TLK1: variants seen among roughly 807,000 people sequenced by gnomAD.
The protein encoded by TLK1 is tousled like kinase 1.
TLK1 carries 24 observed loss-of-function variants against 105.3 expected under a neutral mutation model. The observed-to-expected ratio is 0.23, with a 90% CI of 0.17 to 0.32. TLK1 has a LOEUF of 0.32. Among genes scored for constraint, TLK1 ranks in the 10% least tolerant of loss-of-function variants. The pLI, the probability that TLK1 is intolerant of heterozygous loss-of-function variation, is 1.00. For missense variants in TLK1, 558 were observed against 910.5 expected (o/e 0.61, Z 4.98); for synonymous variants, 321 against 310.4 (o/e 1.03, Z -0.36).
At chr2:171,104,141 TG>T (rs1325391846) in intron 2 of TLK1, among the ~76,000 whole-genome samples, 1 of 151,502 alleles carries the variant, frequency 6.6e-6, no homozygotes, top group African/African-American at 2.4e-5. Flanking sequence ...TTGGGCATGG[TG>T]GTGGGCGCCT....
chr2:171,120,290 G>A (rs1690602986), intron 1 of TLK1, among the ~76,000 whole-genome samples: 1 of 147,174 alleles, frequency 6.8e-6, no homozygotes, highest in Admixed American at 6.8e-5. Flanking sequence ...AGGAAAATAG[G>A]TAAGTTGGAC....
chr2:171,132,735 T>C (rs1691153162), intron 1 of TLK1, among the ~76,000 whole-genome samples: 1 of 152,046 alleles, frequency 6.6e-6, no homozygotes, highest in South Asian at 2.1e-4. Context: ...AAAAATTAGC[T>C]GGGTGGGGTG....
At position 171,011,469 on chromosome 2, in the gene TLK1, C is replaced by CA. The variant is rs1371898504; in HGVS notation, c.1335-16dup. ...GATCTTTGAACCTTAGAGGTGGGGG[C>CA]AAAAAACAGACATATTAAAACACAC... On this transcript the variant is annotated splice_polypyrimidine_tract_variant and intron_variant, in intron 13 of 20. Coordinates refer to ENST00000431350, the MANE Select transcript of TLK1 (RefSeq NM_012290.5). 2 of 1,598,102 alleles carry CA rather than the reference C, an allele frequency of 1.3e-6. No homozygotes were observed. Among genetic ancestry groups the CA allele is most frequent in the Non-Finnish European group, 1.7e-6 (2 of 1,172,854 alleles).
At chr2:171,148,735 T>C (rs1010253515) in intron 1 of TLK1, among the ~76,000 whole-genome samples, 2 of 151,614 alleles carry the variant, frequency 1.3e-5, no homozygotes, top group Non-Finnish European at 2.9e-5. Flanking sequence ...ATACAAAAAT[T>C]AGCTGGGCGT....
intron 8 of TLK1, among the ~76,000 whole-genome samples, chr2:171,052,216 C>G (rs900564410): frequency 6.6e-6 from 1 of 152,138 alleles, no homozygotes; most frequent in Non-Finnish European, 1.5e-5. Context: ...GCTATGATCC[C>G]CCACTGTGCT....
intron 3 of TLK1, among the ~76,000 whole-genome samples, chr2:171,067,175 T>TC (rs397873311): frequency 4.6e-5 from 7 of 151,694 alleles, no homozygotes; most frequent in East Asian, 1.9e-4. Context: ...TTTTTTTTTT[T>TC]CTGAGACAGA....
At chr2:171,032,481 T>A (rs1686092399) in intron 11 of TLK1, among the ~76,000 whole-genome samples, 1 of 152,150 alleles carries the variant, frequency 6.6e-6, no homozygotes, top group Non-Finnish European at 1.5e-5. Context: ...TTAAGGAAGC[T>A]ATTACATTTA....
chr2:171,037,435 C>T (rs1184081945), intron 11 of TLK1, among the ~76,000 whole-genome samples: 3 of 119,160 alleles, frequency 2.5e-5, no homozygotes, highest in Non-Finnish European at 5.9e-5. Flanking sequence ...GAGTGAAACT[C>T]CGTCTCAAAA....
At chr2:171,177,759 C>T (rs1692856607) in intron 1 of TLK1, among the ~76,000 whole-genome samples, 1 of 152,082 alleles carries the variant, frequency 6.6e-6, no homozygotes, top group Non-Finnish European at 1.5e-5. Context: ...GAACAAAAAG[C>T]TTTTATATTA....
At chr2:171,184,450 C>G (rs57851561) in intron 1 of TLK1, among the ~76,000 whole-genome samples, 6,817 of 152,040 alleles carry the variant, frequency 0.045, 442 homozygotes, top group East Asian at 0.29. Context: ...TGAGACCAGC[C>G]TGACCAACAT....
At position 171,155,173 on chromosome 2, in the gene TLK1, T is replaced by C. The variant is rs183710313; in HGVS notation, c.139+5117A>G. Among the ~76,000 whole-genome samples, 459 of 152,282 alleles carry C rather than the reference T, an allele frequency of 3.0e-3. 1 individual carries two copies. The highest frequency in any genetic ancestry group is 0.01 in the African/African-American group (424 of 41,562). On this transcript the variant is annotated intron_variant, in intron 1 of 20. Transcript: ENST00000431350. Reference sequence around the variant, plus strand: ...TAAAAACATTAGAATAACTTAAGCATATTACTTCTGAAATCACGTAAACAA... The same window carrying C: ...TAAAAACATTAGAATAACTTAAGCACATTACTTCTGAAATCACGTAAACAA...
intron 11 of TLK1, among the ~76,000 whole-genome samples, chr2:171,032,911 G>A (rs1238452641): frequency 1.3e-5 from 2 of 152,018 alleles, no homozygotes; most frequent in Admixed American, 1.3e-4. Flanking sequence ...AAAACTATTA[G>A]AAGACAATAC....
chr2:171,197,905 T>C (rs1182492096), intron 1 of TLK1, among the ~76,000 whole-genome samples: 2 of 152,188 alleles, frequency 1.3e-5, no homozygotes, highest in Non-Finnish European at 2.9e-5. Context: ...TTCCAGAATC[T>C]GCATTTTTGG....
rs1692748765 is a variant in TLK1 at position 171,172,508 on chromosome 2, C to G, written c.-5-54651G>C. 2.0e-5 allele frequency among the ~76,000 whole-genome samples: 3 copies of G among 152,240 alleles called. No individual in the cohort carries two copies. The South Asian group carries it at 6.2e-4, about 32-fold the overall frequency. On this transcript the variant is annotated intron_variant, in intron 1 of 20. Coordinates refer to the TLK1 transcript ENST00000521943. ...TAGTTGATATGGTTTGAATCTGTGT[C>G]CCCACCCAAATCTCATGTAGGATTG...
intron 11 of TLK1, among the ~76,000 whole-genome samples, chr2:171,037,497 A>C (rs1325355996): frequency 2.0e-5 from 3 of 151,592 alleles, no homozygotes; most frequent in African/African-American, 7.3e-5. Flanking sequence ...GGAGATACTC[A>C]AGCAAAAGTA....
chr2:171,075,908 G>A (rs185623469), intron 3 of TLK1, among the ~76,000 whole-genome samples: 12 of 152,206 alleles, frequency 7.9e-5, no homozygotes, highest in South Asian at 4.1e-4. Flanking sequence ...CTTACTCCCC[G>A]TAGTAAGAAT....
At chr2:171,112,612 T>C (rs181615501) in intron 2 of TLK1, among the ~76,000 whole-genome samples, 13 of 152,278 alleles carry the variant, frequency 8.5e-5, no homozygotes, top group African/African-American at 3.1e-4. Flanking sequence ...GGAAAAAATA[T>C]GTATTTAAGG....
intron 3 of TLK1, among the ~76,000 whole-genome samples, chr2:171,079,810 G>C (rs1688669646): frequency 6.6e-6 from 1 of 152,128 alleles, no homozygotes; most frequent in Non-Finnish European, 1.5e-5. Context: ...GAAAACAAGA[G>C]GATTCTGGAT....
intron 1 of TLK1, among the ~76,000 whole-genome samples, chr2:171,145,675 G>A (rs1177294931): frequency 6.6e-6 from 1 of 151,818 alleles, no homozygotes; most frequent in Non-Finnish European, 1.5e-5. Flanking sequence ...ATTTTGTCAA[G>A]TGGAAACAAT....
Sources: allele counts gnomAD v4.1 joint callset (sites outside exome capture counted in the v4.1 genomes callset), GRCh38; gene constraint gnomAD v4.1.1; transcripts MANE v1.5; gene names NCBI Gene and HGNC (gene_info 2026-07-23, HGNC 2026-07-21).